MAPK10: variants seen among roughly 807,000 people sequenced by gnomAD.
MAPK10 encodes mitogen-activated protein kinase 10.
A neutral mutation model predicts 59.3 loss-of-function variants in MAPK10; 25 were observed. The observed-to-expected ratio is 0.42, with a 90% CI of 0.31 to 0.59. The LOEUF is 0.59. Among genes scored for constraint, MAPK10 ranks in the 20% least tolerant of loss-of-function variants. MAPK10 has a pLI of 0.15. For synonymous variants in MAPK10, 190 were observed against 200.5 expected (o/e 0.95, Z 0.44); for missense variants, 351 against 568.9 (o/e 0.62, Z 3.90).
chr4:86,513,432 C>T (rs1168364404), intron 1 of MAPK10, among the ~76,000 whole-genome samples: 2 of 152,184 alleles, frequency 1.3e-5, no homozygotes, highest in Non-Finnish European at 2.9e-5. Context: ...TCATTAAATC[C>T]AGTCATAAGA....
intron 1 of MAPK10, among the ~76,000 whole-genome samples, chr4:86,404,973 A>T (rs1744181603): frequency 6.6e-6 from 1 of 152,216 alleles, no homozygotes; most frequent in Admixed American, 6.5e-5. Flanking sequence ...TCACAGAATG[A>T]TTTACATAGA....
rs374737417 is a variant in MAPK10 at position 86,359,286 on chromosome 4, C to G, written c.-122+372G>C. 4.9e-3 allele frequency among the ~76,000 whole-genome samples: 579 copies of G among 118,024 alleles called. 2 individuals carry two copies. The highest frequency in any genetic ancestry group is 0.01 in the East Asian group (42 of 4,174). The allele number at this position is 118,024 out of a possible 152,430, so 77.4% of individuals were successfully genotyped here. A position where few individuals can be genotyped will look rare whatever the true frequency, so the allele number is the denominator to read the frequency against. ...TTCCTCTCTCTCTCTCTCTCTCTCTCTCTGTGTGTGTGTGTGTGTGTGTGT... is the reference window on the plus strand; with the variant it reads ...TTCCTCTCTCTCTCTCTCTCTCTCTGTCTGTGTGTGTGTGTGTGTGTGTGT... On this transcript the variant is annotated intron_variant, in intron 1 of 13. Coordinates refer to ENST00000641462, the MANE Select transcript of MAPK10 (RefSeq NM_138982.4).
intron 1 of MAPK10, among the ~76,000 whole-genome samples, chr4:86,483,885 G>A (rs1408188263): frequency 6.6e-6 from 1 of 152,142 alleles, no homozygotes; most frequent in Non-Finnish European, 1.5e-5. Context: ...AAAAGAAGAG[G>A]GGGAGGGGAA....
Position 86,247,649 on chromosome 4 carries a change from TTGTGTG to T in MAPK10, c.-6-53248_-6-53243del, listed in dbSNP as rs10591715. ...TAATAGATAAACACTGTGTGTGTAG[TTGTGTG>T]TGTGTGTGTGTTGTGTAGGTGATCT... On this transcript the variant is annotated intron_variant, in intron 2 of 13. Coordinates refer to ENST00000641462, the MANE Select transcript of MAPK10 (RefSeq NM_138982.4). 2.8e-3 allele frequency among the ~76,000 whole-genome samples: 425 copies of T among 150,690 alleles called. 5 individuals are homozygous for T. The highest frequency in any genetic ancestry group is 0.026 in the Admixed American group (397 of 15,138).
chr4:86,160,616 CAAG>C (rs1426346002), intron 3 of MAPK10: 2 of 151,992 alleles, frequency 1.3e-5, no homozygotes, highest in African/African-American at 4.8e-5. Flanking sequence ...GGTTGTCCTA[CAAG>C]AAGTGAGATG....
chr4:86,282,901 G>T (rs1431706275), intron 2 of MAPK10, among the ~76,000 whole-genome samples: 1 of 152,002 alleles, frequency 6.6e-6, no homozygotes, highest in African/African-American at 2.4e-5. Context: ...GACACAAGAG[G>T]TTTTATTTTA....
intron 13 of MAPK10, chr4:86,025,636 G>T: frequency 2.5e-6 from 1 of 395,036 alleles, no homozygotes; most frequent in Non-Finnish European, 4.5e-6. Flanking sequence ...CATCAATAAA[G>T]CATTACAAAT....
intron 4 of MAPK10, among the ~76,000 whole-genome samples, chr4:86,154,683 T>G (rs914905457): frequency 1.3e-5 from 2 of 152,108 alleles, no homozygotes; most frequent in Non-Finnish European, 2.9e-5. Flanking sequence ...AAATCCATTT[T>G]ACAGATGAGT....
intron 1 of MAPK10, among the ~76,000 whole-genome samples, chr4:86,376,660 AT>A (rs1225134440): frequency 1.3e-5 from 2 of 152,208 alleles, no homozygotes; most frequent in Non-Finnish European, 2.9e-5. Context: ...GACGTATATA[AT>A]TAATCATATC....
At chr4:86,217,596 A>G (rs2088094229) in intron 2 of MAPK10, among the ~76,000 whole-genome samples, 1 of 152,156 alleles carries the variant, frequency 6.6e-6, no homozygotes, top group South Asian at 2.1e-4. Context: ...GACACACAGA[A>G]TACTCAGCAT....
At chr4:86,030,139 C>T (rs1257031506) in intron 12 of MAPK10, among the ~76,000 whole-genome samples, 1 of 151,976 alleles carries the variant, frequency 6.6e-6, no homozygotes, top group East Asian at 1.9e-4. Flanking sequence ...ATTCATGAGC[C>T]CCTAAGGAGT....
chr4:86,458,983 G>T (rs889565223), intron 1 of MAPK10, among the ~76,000 whole-genome samples: 43 of 152,150 alleles, frequency 2.8e-4, no homozygotes, highest in African/African-American at 9.2e-4. Flanking sequence ...ACAACCCACA[G>T]AATGGGAGAA....
intron 1 of MAPK10, among the ~76,000 whole-genome samples, chr4:86,564,558 T>C (rs1002603604): frequency 1.3e-5 from 2 of 152,120 alleles, no homozygotes; most frequent in African/African-American, 4.8e-5. Context: ...AAAACATTTA[T>C]TTGCCTATGA....
chr4:86,404,718 G>A (rs959087883), intron 1 of MAPK10, among the ~76,000 whole-genome samples: 1 of 152,082 alleles, frequency 6.6e-6, no homozygotes, highest in Admixed American at 6.5e-5. Flanking sequence ...TAGAAATCTT[G>A]TCTCACAGCA....
At chr4:86,233,241 T>A (rs915333734) in intron 2 of MAPK10, among the ~76,000 whole-genome samples, 2 of 151,980 alleles carry the variant, frequency 1.3e-5, no homozygotes, top group African/African-American at 4.8e-5. Flanking sequence ...GACCCAAAGA[T>A]CAAAAACATA....
intron 13 of MAPK10, chr4:86,025,051 G>A (rs1432597004): frequency 6.5e-6 from 1 of 152,910 alleles, no homozygotes; most frequent in African/African-American, 2.4e-5. Flanking sequence ...TATCCAGTGT[G>A]ATGGTGGGAG....
chr4:86,126,899 T>C (rs535609567), intron 4 of MAPK10, among the ~76,000 whole-genome samples: 17 of 152,124 alleles, frequency 1.1e-4, no homozygotes, highest in African/African-American at 3.9e-4. Context: ...CCAAGGCCTA[T>C]TTGTACCTCC....
intron 1 of MAPK10, among the ~76,000 whole-genome samples, chr4:86,589,763 A>G (rs1762893651): frequency 6.6e-6 from 1 of 152,080 alleles, no homozygotes; most frequent in African/African-American, 2.4e-5. Context: ...TGTACACCAC[A>G]TGTAAGCCAG....
chr4:86,264,229 T>C (rs565130680), intron 2 of MAPK10, among the ~76,000 whole-genome samples: 24 of 152,352 alleles, frequency 1.6e-4, no homozygotes, highest in East Asian at 9.6e-4. Context: ...ACAGCCTTCA[T>C]TGTGTATAAT....
Sources: gnomAD v4.1 joint callset for allele counts (sites outside exome capture counted in the v4.1 genomes callset) on GRCh38, gnomAD v4.1.1 for gene constraint, MANE v1.5 for transcripts, NCBI Gene and HGNC (gene_info 2026-07-23, HGNC 2026-07-21) for gene names.